Variants in JAZF1 observed in about 807,000 individuals in gnomAD.
JAZF1 encodes JAZF zinc finger 1, also known as juxtaposed with another zinc finger protein 1.
In JAZF1, 8 loss-of-function variants were observed where a neutral mutation model predicts 26.4. The observed-to-expected ratio is 0.30, with a 90% CI of 0.18 to 0.55. The LOEUF is 0.55. Among genes scored for constraint, JAZF1 ranks in the 20% least tolerant of loss-of-function variants. The probability of loss-of-function intolerance (pLI) is 0.94; values close to 1 mark genes in which losing one functional copy is unlikely to be tolerated. For synonymous variants in JAZF1, 126 were observed against 122.3 expected (o/e 1.03, Z -0.20); for missense variants, 199 against 322.0 (o/e 0.62, Z 2.92).
intron 1 of JAZF1, among the ~76,000 whole-genome samples, chr7:28,023,315 C>A (rs1164754869): frequency 6.6e-6 from 1 of 152,178 alleles, no homozygotes; most frequent in South Asian, 2.1e-4. Flanking sequence ...CCTTGCTAAG[C>A]CTTTGCTCTT....
intron 1 of JAZF1, among the ~76,000 whole-genome samples, chr7:28,001,726 T>C (rs1184882842): frequency 1.3e-5 from 2 of 151,930 alleles, no homozygotes; most frequent in Non-Finnish European, 2.9e-5. Context: ...AGTTCAAACT[T>C]AGTTCTGCAG....
chr7:27,891,264 C>CT (rs527979123), intron 3 of JAZF1, among the ~76,000 whole-genome samples: 137 of 152,244 alleles, frequency 9.0e-4, no homozygotes, highest in African/African-American at 3.1e-3. Context: ...TTTAGAAAAA[C>CT]TTTTAATAAA....
chr7:28,064,739 G>GT (rs749874096), intron 1 of JAZF1, among the ~76,000 whole-genome samples: 1 of 151,944 alleles, frequency 6.6e-6, no homozygotes, highest in African/African-American at 2.4e-5. Context: ...AAGTTTTTTT[G>GT]TTTTTTGTTT....
chr7:27,958,571 A>G (rs1785137916), intron 2 of JAZF1, among the ~76,000 whole-genome samples: 1 of 152,212 alleles, frequency 6.6e-6, no homozygotes, highest in African/African-American at 2.4e-5. Flanking sequence ...TAGACTTTAC[A>G]GCTCACCCAA....
intron 2 of JAZF1, among the ~76,000 whole-genome samples, chr7:27,927,715 A>G (rs1422227007): frequency 6.6e-6 from 1 of 152,156 alleles, no homozygotes; most frequent in Non-Finnish European, 1.5e-5. Context: ...ATAAAAATAT[A>G]AAAAAGAACT....
intron 1 of JAZF1, among the ~76,000 whole-genome samples, chr7:28,067,626 G>C (rs1284558926): frequency 4.6e-5 from 7 of 152,176 alleles, no homozygotes; most frequent in Non-Finnish European, 8.8e-5. Flanking sequence ...TTTCTGCCCA[G>C]TCTAATAAAA....
intron 2 of JAZF1, among the ~76,000 whole-genome samples, chr7:27,986,247 T>C (rs890347407): frequency 5.3e-5 from 8 of 152,212 alleles, no homozygotes; most frequent in Non-Finnish European, 8.8e-5. Flanking sequence ...CTTAAGCTGA[T>C]AAGCAACTTC....
intron 1 of JAZF1, among the ~76,000 whole-genome samples, chr7:28,179,104 G>T (rs753340102): frequency 6.6e-6 from 1 of 152,224 alleles, no homozygotes; most frequent in Non-Finnish European, 1.5e-5. Context: ...AACGTGAGCT[G>T]CATCCACATG....
At chr7:27,999,337 C>T (rs568955169) in intron 1 of JAZF1, among the ~76,000 whole-genome samples, 3 of 152,270 alleles carry the variant, frequency 2.0e-5, no homozygotes, top group African/African-American at 7.2e-5. Flanking sequence ...GCATGCAACA[C>T]AAAAGATCAC....
intron 1 of JAZF1, among the ~76,000 whole-genome samples, chr7:28,032,884 C>G (rs1783215649): frequency 1.3e-5 from 2 of 152,098 alleles, no homozygotes; most frequent in Admixed American, 6.5e-5. Flanking sequence ...CTACCATCTC[C>G]CCTTATACCT....
At chr7:27,972,836 G>A (rs1465501240) in intron 2 of JAZF1, among the ~76,000 whole-genome samples, 3 of 150,676 alleles carry the variant, frequency 2.0e-5, no homozygotes, top group African/African-American at 7.4e-5. Context: ...TGTGTGGGGG[G>A]AATGATATAT....
At chr7:27,982,694 A>G (rs1785610690) in intron 2 of JAZF1, among the ~76,000 whole-genome samples, 1 of 152,104 alleles carries the variant, frequency 6.6e-6, no homozygotes, top group Admixed American at 6.5e-5. Context: ...ACTGGGAGAC[A>G]CCTCCCAGTA....
intron 2 of JAZF1, among the ~76,000 whole-genome samples, chr7:27,952,385 C>T (rs553227715): frequency 6.6e-6 from 1 of 152,354 alleles, no homozygotes; most frequent in African/African-American, 2.4e-5. Flanking sequence ...AAATGGTTCC[C>T]ATGCTTCATC....
At chr7:27,987,059 C>G (rs1297374895) in intron 2 of JAZF1, among the ~76,000 whole-genome samples, 13 of 152,048 alleles carry the variant, frequency 8.5e-5, no homozygotes, top group Admixed American at 2.0e-4. Context: ...GAGATTGCAG[C>G]CTCTGCCCGG....
At chr7:28,038,282 T>C (rs1468831011) in intron 1 of JAZF1, among the ~76,000 whole-genome samples, 1 of 152,192 alleles carries the variant, frequency 6.6e-6, no homozygotes, top group Non-Finnish European at 1.5e-5. Flanking sequence ...GGGGGAATGA[T>C]TGTGGCAAAT....
intron 2 of JAZF1, among the ~76,000 whole-genome samples, chr7:27,981,920 T>G (rs1330498983): frequency 6.6e-6 from 1 of 152,228 alleles, no homozygotes; most frequent in South Asian, 2.1e-4. Context: ...CCCTATTCTT[T>G]GACTTCTTTT....
chr7:27,891,135 C>T (rs867133481), intron 3 of JAZF1, among the ~76,000 whole-genome samples: 21 of 152,280 alleles, frequency 1.4e-4, no homozygotes, highest in South Asian at 8.3e-4. Context: ...TATCTTAACA[C>T]TTTATTTTCA....
chr7:27,911,643 A>C (rs1216345492), intron 2 of JAZF1, among the ~76,000 whole-genome samples: 2 of 152,204 alleles, frequency 1.3e-5, no homozygotes, highest in African/African-American at 4.8e-5. Flanking sequence ...ACGATCACAG[A>C]AAGTCCTATT....
chr7:27,872,596 T>C (rs1175113847), intron 3 of JAZF1, among the ~76,000 whole-genome samples: 1 of 152,206 alleles, frequency 6.6e-6, no homozygotes, highest in African/African-American at 2.4e-5. Flanking sequence ...TCTCTCCACA[T>C]GTTCAAGAAA....
Sources: allele counts gnomAD v4.1 joint callset (sites outside exome capture counted in the v4.1 genomes callset), GRCh38; gene constraint gnomAD v4.1.1; transcripts MANE v1.5; gene names NCBI Gene and HGNC (gene_info 2026-07-23, HGNC 2026-07-21).